Variants in ZNF536 observed in about 807,000 individuals in gnomAD.
ZNF536 encodes the protein zinc finger protein 536.
A neutral mutation model predicts 84.5 loss-of-function variants in ZNF536; 13 were observed. The observed-to-expected ratio is 0.15, with a 90% CI of 0.10 to 0.24. The LOEUF (loss-of-function observed/expected upper bound fraction) is 0.24, where lower values mean the gene tolerates loss of function less well. ZNF536 is among the 10% of genes least tolerant of loss of function. The probability of loss-of-function intolerance (pLI) is 1.00; values close to 1 mark genes in which losing one functional copy is unlikely to be tolerated. For synonymous variants in ZNF536, 811 were observed against 742.5 expected (o/e 1.09, Z -1.50); for missense variants, 1,536 against 1,747.5 (o/e 0.88, Z 2.16).
intron 1 of ZNF536, among the ~76,000 whole-genome samples, chr19:30,688,905 G>A (rs1482034382): frequency 6.6e-6 from 1 of 152,200 alleles, no homozygotes; most frequent in African/African-American, 2.4e-5. Context: ...CACCTCCTGG[G>A]GACTGGCTGC....
At position 30,548,536 on chromosome 19, in the gene ZNF536, T is replaced by C. The variant is rs372644003; in HGVS notation, c.2917T>C (p.Tyr973His). 9 of 1,613,954 alleles carry C rather than the reference T, an allele frequency of 5.6e-6. No individual in the cohort carries two copies. The highest frequency in any genetic ancestry group is 3.3e-5 in the Admixed American group (2 of 60,004). ...SSQRKSEKSQYEPLDLSVRPD... is the reference protein window; with the variant it reads ...SSQRKSEKSQHEPLDLSVRPD... ...CCAGAGGAAGTCCGAGAAATCTCAG[T>C]ATGAACCCCTGGACTTGTCTGTGCG... is the stretch of plus-strand genomic sequence containing the variant. The change falls in exon 4 of 5, where the codon TAT becomes CAT. Residue 973 changes from tyrosine to histidine, a missense_variant. Tyr to His is a moderately conservative substitution (Grantham distance 83, BLOSUM62 2). Transcript: ENST00000355537.
chr19:30,361,787 C>T (rs1475418540), intron 3 of ZNF536, among the ~76,000 whole-genome samples: 2 of 121,884 alleles, frequency 1.6e-5, no homozygotes, highest in Admixed American at 1.1e-4. Flanking sequence ...CCCCTGCGGG[C>T]GGCCTGGCAA....
chr19:30,586,462 G>A (rs1439004366), intron 1 of ZNF536, among the ~76,000 whole-genome samples: 2 of 152,216 alleles, frequency 1.3e-5, no homozygotes, highest in Non-Finnish European at 1.5e-5. Flanking sequence ...TGTAACTGAA[G>A]GAGTAACTGA....
At chr19:30,309,690 T>G (rs2146064219) in intron 2 of ZNF536, among the ~76,000 whole-genome samples, 1 of 152,320 alleles carries the variant, frequency 6.6e-6, no homozygotes, top group East Asian at 1.9e-4. Context: ...ATGTGAGACC[T>G]CCTCATGACA....
chr19:30,489,838 A>G (rs1234402453), intron 2 of ZNF536, among the ~76,000 whole-genome samples: 1 of 152,204 alleles, frequency 6.6e-6, no homozygotes, highest in African/African-American at 2.4e-5. Flanking sequence ...AAATACAAAC[A>G]TGGAATACTT....
chr19:30,425,284 C>A (rs1329545650), intron 1 of ZNF536, among the ~76,000 whole-genome samples: 1 of 150,804 alleles, frequency 6.6e-6, no homozygotes, highest in African/African-American at 2.4e-5. Flanking sequence ...TGATCATGGG[C>A]AGGGAGAAGG....
chr19:30,569,556 G>GTCCTTTTTTTTTT (rs1568563601), intron 1 of ZNF536, among the ~76,000 whole-genome samples: 1 of 80,440 alleles, frequency 1.2e-5, no homozygotes, highest in African/African-American at 4.9e-5. Context: ...CCAGATAAAC[G>GTCCTTTTTTTTTT]TTCTTTTTTT....
intron 1 of ZNF536, among the ~76,000 whole-genome samples, chr19:30,272,903 A>AT (rs780047434): frequency 2.6e-4 from 40 of 151,368 alleles, no homozygotes; most frequent in Admixed American, 7.9e-4. Flanking sequence ...ATTCATGCGC[A>AT]TTTTTTTTTA....
chr19:30,692,828 G>C (rs1285177556), intron 1 of ZNF536, among the ~76,000 whole-genome samples: 2 of 152,204 alleles, frequency 1.3e-5, no homozygotes, highest in Non-Finnish European at 2.9e-5. Context: ...TTACCCTTCT[G>C]CTCCCTGTGG....
At chr19:30,505,430 A>ATAT (rs2055134694) in intron 2 of ZNF536, among the ~76,000 whole-genome samples, 1 of 148,086 alleles carries the variant, frequency 6.8e-6, no homozygotes, top group Non-Finnish European at 1.5e-5. Context: ...TTATATAGTT[A>ATAT]TATTATCTCA....
At chr19:30,452,988 T>A (rs1182645021) in intron 2 of ZNF536, among the ~76,000 whole-genome samples, 2 of 35,386 alleles carry the variant, frequency 5.7e-5, no homozygotes, top group African/African-American at 1.1e-4. Flanking sequence ...GTCGGGGGGG[T>A]GGGCAGGTGG....
At chr19:30,282,976 G>T (rs1046669274) in intron 1 of ZNF536, among the ~76,000 whole-genome samples, 6 of 152,194 alleles carry the variant, frequency 3.9e-5, no homozygotes, top group Non-Finnish European at 7.3e-5. Context: ...TTTCGAGCAT[G>T]CAGTCAGCAA....
At chr19:30,452,581 G>A (rs764091288) in intron 2 of ZNF536, among the ~76,000 whole-genome samples, 22 of 152,170 alleles carry the variant, frequency 1.4e-4, no homozygotes, top group Admixed American at 7.2e-4. Context: ...GATGGAGACA[G>A]TGAATTTCAT....
At chr19:30,383,136 A>G (rs1186471034) in intron 1 of ZNF536, among the ~76,000 whole-genome samples, 1 of 152,118 alleles carries the variant, frequency 6.6e-6, no homozygotes, top group Admixed American at 6.5e-5. Flanking sequence ...CGAAATGTAT[A>G]AAACTTAGCT....
chr19:30,490,234 G>A lies in ZNF536; in HGVS notation c.2170+44502G>A, dbSNP rs372160069. 7.4e-4 allele frequency among the ~76,000 whole-genome samples: 112 copies of A among 152,100 alleles called. 1 individual carries two copies. In the South Asian group the frequency reaches 0.017, roughly 24 times the overall value. ...GTTGTTGAATAAACATAATCTCTTCGTTCATCTCTTCTTGATAAGCCCTAG... is the reference window on the plus strand; with the variant it reads ...GTTGTTGAATAAACATAATCTCTTCATTCATCTCTTCTTGATAAGCCCTAG... On this transcript the variant is annotated intron_variant, in intron 2 of 4. Coordinates refer to ENST00000355537, the MANE Select transcript of ZNF536 (RefSeq NM_014717.3).
At chr19:30,383,867 C>G (rs1429163312) in intron 1 of ZNF536, among the ~76,000 whole-genome samples, 1 of 119,374 alleles carries the variant, frequency 8.4e-6, no homozygotes, top group Non-Finnish European at 1.7e-5. Flanking sequence ...TCCTTCCTTC[C>G]TTCCTCCCCC....
rs2044997641 is a variant in ZNF536 at position 30,534,761 on chromosome 19, T to TA, written c.2171-84dup. On this transcript the variant is annotated intron_variant, in intron 2 of 4. Coordinates refer to ENST00000355537, the MANE Select transcript of ZNF536 (RefSeq NM_014717.3). ...TAGACAGGTGTAGTATTGACATGTTTAACTTTGTGTGGTGTTAGCAGTTTT... is the reference window on the plus strand; with the variant it reads ...TAGACAGGTGTAGTATTGACATGTTTAAACTTTGTGTGGTGTTAGCAGTTTT... 5 of 1,423,160 alleles carry TA rather than the reference T, an allele frequency of 3.5e-6. No individual in the cohort carries two copies. In the South Asian group the frequency reaches 6.0e-5, roughly 17 times the overall value. The allele number at this position is 1,423,160 out of a possible 1,614,324, so 88.2% of individuals were successfully genotyped here. A position where few individuals can be genotyped will look rare whatever the true frequency, so the allele number is the denominator to read the frequency against.
intron 1 of ZNF536, among the ~76,000 whole-genome samples, chr19:30,669,756 C>G (rs1349973141): frequency 6.6e-6 from 1 of 152,160 alleles, no homozygotes; most frequent in Non-Finnish European, 1.5e-5. Flanking sequence ...GTGTTCGGAG[C>G]AAGTATGGAA....
chr19:30,252,821 T>C (rs1411800166), intron 1 of ZNF536, among the ~76,000 whole-genome samples: 1 of 152,218 alleles, frequency 6.6e-6, no homozygotes, highest in Admixed American at 6.5e-5. Context: ...TTTGTACCTA[T>C]GTAGGAATGG....
Sources: gnomAD v4.1 joint callset for allele counts (sites outside exome capture counted in the v4.1 genomes callset) on GRCh38, gnomAD v4.1.1 for gene constraint, MANE v1.5 for transcripts, NCBI Gene and HGNC (gene_info 2026-07-23, HGNC 2026-07-21) for gene names.